ROBO2: variants seen among roughly 807,000 people sequenced by gnomAD.
ROBO2 encodes the protein roundabout guidance receptor 2.
A neutral mutation model predicts 160.8 loss-of-function variants in ROBO2; 53 were observed. The observed-to-expected ratio is 0.33, with a 90% CI of 0.26 to 0.41. The LOEUF (loss-of-function observed/expected upper bound fraction) is 0.41, where lower values mean the gene tolerates loss of function less well. Ranked by LOEUF, ROBO2 falls within the 10% of genes least tolerant of loss-of-function variation. The probability of loss-of-function intolerance (pLI) is 1.00; values close to 1 mark genes in which losing one functional copy is unlikely to be tolerated. For missense variants in ROBO2, 1,577 were observed against 1,722.4 expected (o/e 0.92, Z 1.49); for synonymous variants, 664 against 611.7 (o/e 1.09, Z -1.26).
At chr3:76,798,531 C>T (rs1207930079) in intron 2 of ROBO2, among the ~76,000 whole-genome samples, 2 of 152,148 alleles carry the variant, frequency 1.3e-5, no homozygotes, top group African/African-American at 4.8e-5. Flanking sequence ...ACCATATGAT[C>T]CTTTCAACTG....
rs180774204 is a variant in ROBO2 at position 75,960,760 on chromosome 3, T to C, written c.109+23158T>C. On this transcript the variant is annotated intron_variant, in intron 2 of 26. Transcript: ENST00000487694. ...TAAATTTACTAGTGGTGCAATCTTG[T>C]GCAAGTCACCTGACACTTTATGCCT... is the stretch of plus-strand genomic sequence containing the variant. Among the ~76,000 whole-genome samples, 55 of 151,830 alleles carry C rather than the reference T, an allele frequency of 3.6e-4. No homozygotes were observed. The East Asian group carries it at 0.01, about 28-fold the overall frequency.
intron 2 of ROBO2, among the ~76,000 whole-genome samples, chr3:76,062,796 T>C (rs531362490): frequency 2.0e-5 from 3 of 152,218 alleles, no homozygotes; most frequent in East Asian, 1.9e-4. Flanking sequence ...GCTTTGTTTT[T>C]CCCCCAGATA....
At chr3:77,093,722 T>A (rs2150042460) in intron 1 of ROBO2, among the ~76,000 whole-genome samples, 1 of 152,336 alleles carries the variant, frequency 6.6e-6, no homozygotes, top group Middle Eastern at 3.4e-3. Flanking sequence ...ATTGTAAAGC[T>A]GTATTTTTGT....
intron 2 of ROBO2, among the ~76,000 whole-genome samples, chr3:76,153,626 C>T (rs115007662): frequency 0.012 from 1,873 of 152,212 alleles, 43 homozygotes; most frequent in African/African-American, 0.042. Context: ...CTACAGAAGA[C>T]GAACCTTACA....
chr3:76,568,905 C>A (rs1000781439), intron 2 of ROBO2, among the ~76,000 whole-genome samples: 2 of 152,074 alleles, frequency 1.3e-5, no homozygotes, highest in South Asian at 2.1e-4. Context: ...ATATGTAAAA[C>A]CTGCAACTAA....
intron 2 of ROBO2, among the ~76,000 whole-genome samples, chr3:76,213,989 C>A (rs575845168): frequency 1.3e-5 from 2 of 152,042 alleles, no homozygotes; most frequent in African/African-American, 4.8e-5. Context: ...GTCTGCTAAT[C>A]GAAATGTTAA....
At chr3:77,470,802 T>C (rs1560927530) in intron 2 of ROBO2, among the ~76,000 whole-genome samples, 1 of 152,128 alleles carries the variant, frequency 6.6e-6, no homozygotes, top group Non-Finnish European at 1.5e-5. Flanking sequence ...TATAAGGAAC[T>C]GCTTCGGGCT....
rs372132844 is a variant in ROBO2, at chr3:76,946,175, C to T, written c.110-151839C>T. On this transcript the variant is annotated intron_variant, in intron 2 of 26. Transcript: ENST00000487694. ...ACGGCAAAGTTTTGCCTGAGTAAAA[C>T]AAAGTTCTGAGTAGTCATCAGAATA... Among the ~76,000 whole-genome samples the T allele has an allele frequency of 3.2e-4, 49 of 152,278 alleles. 1 individual carries two copies. In the South Asian group the frequency reaches 9.3e-3, roughly 29 times the overall value.
chr3:76,458,086 T>C (rs1015964207), intron 2 of ROBO2, among the ~76,000 whole-genome samples: 3 of 152,220 alleles, frequency 2.0e-5, no homozygotes, highest in African/African-American at 4.8e-5. Context: ...TTGCTACTTA[T>C]GCAAAGTTCT....
chr3:76,863,476 A>G (rs2071035108), intron 2 of ROBO2, among the ~76,000 whole-genome samples: 1 of 151,932 alleles, frequency 6.6e-6, no homozygotes, highest in South Asian at 2.1e-4. Flanking sequence ...AAGAAAATAA[A>G]GCAGAAAAAA....
At chr3:76,038,602 G>C (rs1445962096) in intron 2 of ROBO2, among the ~76,000 whole-genome samples, 4 of 151,826 alleles carry the variant, frequency 2.6e-5, no homozygotes, top group Non-Finnish European at 4.4e-5. Context: ...TGTCCCCATG[G>C]GCTGAAGCTG....
intron 2 of ROBO2, among the ~76,000 whole-genome samples, chr3:76,474,077 C>T (rs1560007436): frequency 6.6e-6 from 1 of 152,080 alleles, no homozygotes; most frequent in East Asian, 1.9e-4. Context: ...GAGTAAGTTC[C>T]TCTTCAGAGC....
intron 2 of ROBO2, among the ~76,000 whole-genome samples, chr3:77,319,847 T>C (rs1446580925): frequency 1.3e-5 from 2 of 152,194 alleles, no homozygotes; most frequent in Non-Finnish European, 1.5e-5. Context: ...TTGAGAAAGT[T>C]GCTTATGCTA....
At chr3:76,798,149 A>G (rs908909810) in intron 2 of ROBO2, among the ~76,000 whole-genome samples, 1 of 145,060 alleles carries the variant, frequency 6.9e-6, no homozygotes, top group Non-Finnish European at 1.5e-5. Context: ...AGAGAAAGAA[A>G]GAAAGAAAGA....
intron 2 of ROBO2, among the ~76,000 whole-genome samples, chr3:77,380,635 G>T (rs1480418431): frequency 6.6e-6 from 1 of 151,668 alleles, no homozygotes; most frequent in Middle Eastern, 3.2e-3. Flanking sequence ...TGGCTAAAGT[G>T]CACCTTCTTT....
At chr3:76,805,809 G>A (rs532018788) in intron 2 of ROBO2, among the ~76,000 whole-genome samples, 1 of 151,862 alleles carries the variant, frequency 6.6e-6, no homozygotes, top group Non-Finnish European at 1.5e-5. Context: ...ATCTTGCACA[G>A]CTCCAAACAT....
At chr3:76,501,810 C>T (rs149419013) in intron 2 of ROBO2, among the ~76,000 whole-genome samples, 264 of 152,168 alleles carry the variant, frequency 1.7e-3, no homozygotes, top group African/African-American at 5.7e-3. Context: ...AATAAGTATA[C>T]TCAGTGGGGT....
At chr3:76,942,891 A>G (rs1231629320) in intron 2 of ROBO2, among the ~76,000 whole-genome samples, 2 of 152,080 alleles carry the variant, frequency 1.3e-5, no homozygotes, top group South Asian at 2.1e-4. Flanking sequence ...ATTGAATACT[A>G]TGTTATACTT....
chr3:76,672,745 A>C (rs1562766), intron 2 of ROBO2, among the ~76,000 whole-genome samples: 55,831 of 151,974 alleles, frequency 0.37, 10,921 homozygotes, highest in South Asian at 0.48. Flanking sequence ...CATGAACAGT[A>C]AGCAGGTTAT....
Sources: allele counts gnomAD v4.1 joint callset (sites outside exome capture counted in the v4.1 genomes callset), GRCh38; gene constraint gnomAD v4.1.1; transcripts MANE v1.5; gene names NCBI Gene and HGNC (gene_info 2026-07-23, HGNC 2026-07-21).